NXPH1: variants seen among roughly 807,000 people sequenced by gnomAD.
The protein encoded by NXPH1 is neurexophilin 1, also known as neurexophilin-1.
Under a neutral mutation model 23.7 loss-of-function variants are expected in NXPH1, and 5 were observed. The ratio of observed to expected loss-of-function variants is 0.21; its 90% CI spans 0.11 to 0.44. The LOEUF (loss-of-function observed/expected upper bound fraction) is 0.44, where lower values mean the gene tolerates loss of function less well. Ranked by LOEUF, NXPH1 falls within the 20% of genes least tolerant of loss-of-function variation. The pLI, the probability that NXPH1 is intolerant of heterozygous loss-of-function variation, is 0.99. For missense variants in NXPH1, 324 were observed against 321.6 expected (o/e 1.01, Z -0.06); for synonymous variants, 144 against 122.2 (o/e 1.18, Z -1.18).
At chr7:8,521,297 C>G (rs978711352) in intron 2 of NXPH1, among the ~76,000 whole-genome samples, 1 of 152,204 alleles carries the variant, frequency 6.6e-6, no homozygotes, top group African/African-American at 2.4e-5. Context: ...TGTACACTCA[C>G]TGTGATAGAG....
At chr7:8,733,721 T>G (rs1780197958) in intron 2 of NXPH1, among the ~76,000 whole-genome samples, 1 of 152,154 alleles carries the variant, frequency 6.6e-6, no homozygotes, top group Admixed American at 6.5e-5. Flanking sequence ...CACTTTTTGA[T>G]GGGATTATTT....
intron 2 of NXPH1, among the ~76,000 whole-genome samples, chr7:8,659,680 A>C (rs1049879263): frequency 1.3e-5 from 2 of 152,244 alleles, no homozygotes; most frequent in African/African-American, 2.4e-5. Flanking sequence ...ATGTGTACAT[A>C]TGTAACAAAC....
chr7:8,435,553 G>A lies in NXPH1; in HGVS notation c.-110-51G>A. On this transcript the variant is annotated intron_variant, in intron 1 of 2. Coordinates refer to ENST00000405863, the MANE Select transcript of NXPH1 (RefSeq NM_152745.3). The surrounding 1 kb of genome is among the most constrained non-coding windows in gnomAD (Gnocchi z 5.9). ...CCCCCTTTCCCCGCTTGATTGTCAA[G>A]CCTAACCTTGCCCGCGTAGTCATGG... 3.0e-6 allele frequency: 2 copies of A among 656,332 alleles called. No homozygotes were observed. The highest frequency in any genetic ancestry group is 2.8e-6 in the Non-Finnish European group (1 of 358,720). 40.7% of individuals were successfully genotyped at this position (656,332 alleles called of 1,614,324 possible).
intron 2 of NXPH1, among the ~76,000 whole-genome samples, chr7:8,448,669 G>T (rs1199848213): frequency 6.6e-6 from 1 of 151,998 alleles, no homozygotes; most frequent in Non-Finnish European, 1.5e-5. Flanking sequence ...TACAAAAAAC[G>T]AGCCGGGTGT....
chr7:8,566,679 GCT>G (rs1275282224), intron 2 of NXPH1, among the ~76,000 whole-genome samples: 1 of 151,738 alleles, frequency 6.6e-6, no homozygotes. Flanking sequence ...AAGGCCTTTG[GCT>G]TTGAATTAAG....
At chr7:8,612,420 G>A (rs78961993) in intron 2 of NXPH1, among the ~76,000 whole-genome samples, 1 of 151,834 alleles carries the variant, frequency 6.6e-6, no homozygotes, top group African/African-American at 2.4e-5. Context: ...GAGATATAGT[G>A]CTAGTAGCAG....
At chr7:8,561,726 T>G (rs1316988473) in intron 2 of NXPH1, among the ~76,000 whole-genome samples, 4 of 151,450 alleles carry the variant, frequency 2.6e-5, no homozygotes, top group Non-Finnish European at 5.9e-5. Context: ...TAAAGGTCCA[T>G]GAGTTCTCAA....
chr7:8,673,442 G>T (rs1583224754), intron 2 of NXPH1, among the ~76,000 whole-genome samples: 1 of 152,236 alleles, frequency 6.6e-6, no homozygotes, highest in African/African-American at 2.4e-5. Context: ...ACTCAAAAAT[G>T]GAAATGTATT....
intron 2 of NXPH1, among the ~76,000 whole-genome samples, chr7:8,671,034 C>G (rs144750701): frequency 4.6e-5 from 7 of 152,304 alleles, no homozygotes; most frequent in African/African-American, 1.7e-4. Context: ...CTACCGTGGT[C>G]TGTGGACAGT....
At chr7:8,672,786 T>G (rs1338844355) in intron 2 of NXPH1, among the ~76,000 whole-genome samples, 1 of 152,184 alleles carries the variant, frequency 6.6e-6, no homozygotes, top group African/African-American at 2.4e-5. Context: ...TTGAGAAATT[T>G]TCTCCTTTCA....
At chr7:8,468,943 T>G (rs1341166658) in intron 2 of NXPH1, among the ~76,000 whole-genome samples, 1 of 152,078 alleles carries the variant, frequency 6.6e-6, no homozygotes, top group Non-Finnish European at 1.5e-5. Flanking sequence ...TGTTAAATTT[T>G]TATCTGTGAT....
At chr7:8,708,824 A>G (rs1026623189) in intron 2 of NXPH1, among the ~76,000 whole-genome samples, 1 of 152,190 alleles carries the variant, frequency 6.6e-6, no homozygotes, top group East Asian at 1.9e-4. Flanking sequence ...GATATTCTCT[A>G]TATCTTGCTA....
intron 2 of NXPH1, among the ~76,000 whole-genome samples, chr7:8,662,701 G>A (rs755848196): frequency 6.6e-6 from 1 of 151,932 alleles, no homozygotes; most frequent in Non-Finnish European, 1.5e-5. Flanking sequence ...TATCAGTCAG[G>A]GCTGGCTGGC....
At chr7:8,639,879 A>G (rs1820279766) in intron 2 of NXPH1, among the ~76,000 whole-genome samples, 1 of 152,174 alleles carries the variant, frequency 6.6e-6, no homozygotes, top group Non-Finnish European at 1.5e-5. Context: ...CTGCCTAGTC[A>G]TGTGAAACTG....
At chr7:8,707,988 C>G (rs527513306) in intron 2 of NXPH1, among the ~76,000 whole-genome samples, 1 of 151,842 alleles carries the variant, frequency 6.6e-6, no homozygotes, top group South Asian at 2.1e-4. Flanking sequence ...TGCTAGGATA[C>G]AAAACATAAA....
At chr7:8,680,189 T>A (rs986697254) in intron 2 of NXPH1, among the ~76,000 whole-genome samples, 3 of 152,252 alleles carry the variant, frequency 2.0e-5, no homozygotes, top group Admixed American at 6.5e-5. Context: ...TTCAAACATT[T>A]ATTGAGTACA....
intron 2 of NXPH1, among the ~76,000 whole-genome samples, chr7:8,656,241 A>T (rs1820580060): frequency 6.6e-6 from 1 of 152,226 alleles, no homozygotes; most frequent in South Asian, 2.1e-4. Context: ...ATTAATAATG[A>T]GTAAGCGTTA....
intron 2 of NXPH1, among the ~76,000 whole-genome samples, chr7:8,508,083 T>C (rs748625671): frequency 6.6e-6 from 1 of 152,112 alleles, no homozygotes; most frequent in African/African-American, 2.4e-5. Context: ...TTTAGACAGT[T>C]CTCAGTATAT....
At chr7:8,707,803 C>T (rs1432255744) in intron 2 of NXPH1, among the ~76,000 whole-genome samples, 1 of 152,090 alleles carries the variant, frequency 6.6e-6, no homozygotes, top group Non-Finnish European at 1.5e-5. Flanking sequence ...CCTCTTTTAA[C>T]TTTGTAATTC....
Sources: gnomAD v4.1 joint callset for allele counts (sites outside exome capture counted in the v4.1 genomes callset) on GRCh38, gnomAD v4.1.1 for gene constraint, Gnocchi (gnomAD v3.1) non-coding constraint, MANE v1.5 for transcripts, NCBI Gene and HGNC (gene_info 2026-07-23, HGNC 2026-07-21) for gene names.